The following RAB2A variants were observed in gnomAD, a reference collection of about 807,000 sequenced individuals.
RAB2A encodes ras-related protein Rab-2A.
RAB2A carries 7 observed loss-of-function variants against 32.5 expected under a neutral mutation model. The ratio of observed to expected loss-of-function variants is 0.22; its 90% CI spans 0.12 to 0.40. The LOEUF (loss-of-function observed/expected upper bound fraction) is 0.40. Ranked by LOEUF, RAB2A falls within the 10% of genes least tolerant of loss-of-function variation. The probability of loss-of-function intolerance (pLI) is 1.00; values close to 1 mark genes in which losing one functional copy is unlikely to be tolerated. For synonymous variants in RAB2A, 79 were observed against 85.2 expected (o/e 0.93, Z 0.40); for missense variants, 108 against 260.7 (o/e 0.41, Z 4.03).
At chr8:60,588,201 TAAGCCTGAG>T (rs1470416103) in intron 5 of RAB2A, among the ~76,000 whole-genome samples, 2 of 152,134 alleles carry the variant, frequency 1.3e-5, no homozygotes, top group Admixed American at 6.5e-5. Flanking sequence ...TAGGATCACT[TAAGCCTGAG>T]AGGTCAAGGC....
At chr8:60,525,468 C>A (rs950088691) in intron 1 of RAB2A, among the ~76,000 whole-genome samples, 2 of 152,064 alleles carry the variant, frequency 1.3e-5, no homozygotes, top group East Asian at 1.9e-4. Context: ...TGAAAACGAA[C>A]GAATACAGTG....
intron 6 of RAB2A, among the ~76,000 whole-genome samples, chr8:60,592,397 G>A (rs1290727649): frequency 6.6e-6 from 1 of 152,136 alleles, no homozygotes; most frequent in African/African-American, 2.4e-5. Flanking sequence ...TTGCATGGTA[G>A]GGAAATCTTT....
intron 6 of RAB2A, among the ~76,000 whole-genome samples, chr8:60,613,989 G>C (rs1429836440): frequency 6.6e-6 from 1 of 152,118 alleles, no homozygotes; most frequent in African/African-American, 2.4e-5. Context: ...TATTTAAACT[G>C]TCCAAAATAC....
chr8:60,603,081 A>G lies in RAB2A; in HGVS notation c.474+11112A>G, dbSNP rs139999092. Among the ~76,000 whole-genome samples the G allele has an allele frequency of 4.6e-4, 70 of 152,356 alleles. 1 individual carries two copies. In the East Asian group the frequency reaches 0.013, roughly 28 times the overall value. ...GTGGTGGTTGGTGTTGGGACATTTC[A>G]GAGAAGGTCATCATCCTGTTTTTTA... On this transcript the variant is annotated intron_variant, in intron 6 of 7. Transcript: ENST00000262646.
intron 1 of RAB2A, among the ~76,000 whole-genome samples, chr8:60,521,721 A>G (rs1310867018): frequency 2.6e-5 from 4 of 152,128 alleles, no homozygotes; most frequent in African/African-American, 9.7e-5. Context: ...CTTAGGTTCA[A>G]GCGATTCTCC....
rs186158413 is a variant in RAB2A at position 60,572,141 on chromosome 8, A to T, written c.186+28A>T. On this transcript the variant is annotated intron_variant, in intron 3 of 7. Transcript: ENST00000262646. ...AAGTATAGGAAAAGTGCACTGTATG[A>T]TCTCAGTAAAGTTACTTTATGAAAG... 6.5e-4 allele frequency: 979 copies of T among 1,497,162 alleles called. 1 individual carries two copies. Among genetic ancestry groups the T allele is most frequent in the Non-Finnish European group, 6.5e-4 (707 of 1,080,196 alleles). 92.7% of individuals were successfully genotyped at this position (1,497,162 alleles called of 1,614,324 possible).
intron 1 of RAB2A, among the ~76,000 whole-genome samples, chr8:60,527,147 A>G (rs1807404893): frequency 6.6e-6 from 1 of 152,044 alleles, no homozygotes; most frequent in Non-Finnish European, 1.5e-5. Flanking sequence ...CAGACCAGGA[A>G]AGAGAGAGTG....
intron 6 of RAB2A, among the ~76,000 whole-genome samples, chr8:60,608,058 G>T (rs1210897900): frequency 1.3e-5 from 2 of 151,980 alleles, no homozygotes; most frequent in Non-Finnish European, 2.9e-5. Context: ...AGGTCATCCT[G>T]GTCTTCCTAA....
At chr8:60,606,691 A>G (rs531918587) in intron 6 of RAB2A, among the ~76,000 whole-genome samples, 9 of 152,360 alleles carry the variant, frequency 5.9e-5, no homozygotes, top group African/African-American at 2.2e-4. Flanking sequence ...TGTATACACA[A>G]GTAATACTTG....
intron 6 of RAB2A, among the ~76,000 whole-genome samples, chr8:60,595,355 G>GAAGGAAAATAGAAAACA (rs1465354021): frequency 3.3e-5 from 5 of 152,148 alleles, no homozygotes; most frequent in African/African-American, 1.2e-4. Context: ...GAAGGCAGGA[G>GAAGGAAAATAGAAAACA]AAGGAAAATA....
chr8:60,567,527 A>G (rs910036714), intron 2 of RAB2A, among the ~76,000 whole-genome samples: 1 of 152,150 alleles, frequency 6.6e-6, no homozygotes, highest in African/African-American at 2.4e-5. Context: ...GCCAAGTTGC[A>G]AGATTTTTAG....
chr8:60,597,928 CT>C (rs1352647630), intron 6 of RAB2A, among the ~76,000 whole-genome samples: 4 of 102,442 alleles, frequency 3.9e-5, no homozygotes, highest in African/African-American at 3.2e-4. Context: ...AATGTGACAA[CT>C]TAGATGACTA....
intron 5 of RAB2A, among the ~76,000 whole-genome samples, chr8:60,588,382 A>G (rs1803882208): frequency 6.6e-6 from 1 of 152,250 alleles, no homozygotes; most frequent in Non-Finnish European, 1.5e-5. Context: ...AGAATTATGT[A>G]CAAATATTCA....
At chr8:60,586,481 C>G (rs1418649035) in intron 5 of RAB2A, among the ~76,000 whole-genome samples, 4 of 150,644 alleles carry the variant, frequency 2.7e-5, no homozygotes, top group African/African-American at 9.8e-5. Context: ...CAAACATTAG[C>G]AATATCAGGA....
intron 5 of RAB2A, among the ~76,000 whole-genome samples, chr8:60,585,658 C>A (rs1175385370): frequency 6.6e-6 from 1 of 152,156 alleles, no homozygotes; most frequent in Non-Finnish European, 1.5e-5. Flanking sequence ...TGAAGAGATG[C>A]TGTTTTTAGA....
chr8:60,547,601 C>T (rs1807756731), intron 1 of RAB2A, among the ~76,000 whole-genome samples: 1 of 125,690 alleles, frequency 8.0e-6, no homozygotes, highest in African/African-American at 2.8e-5. Context: ...GTAGGGGCGG[C>T]CGGGCAGAGG....
chr8:60,585,000 A>G (rs7821738), intron 5 of RAB2A, among the ~76,000 whole-genome samples, 185 bp downstream of exon 5: 24,814 of 152,134 alleles, frequency 0.16, 2,074 homozygotes, highest in Middle Eastern at 0.26. Flanking sequence ...GGAAATTATT[A>G]CTGTTATTAT....
chr8:60,591,162 G>A (rs1240982033), intron 5 of RAB2A, among the ~76,000 whole-genome samples: 2 of 151,388 alleles, frequency 1.3e-5, no homozygotes, highest in South Asian at 2.1e-4. Flanking sequence ...AATAAAACAC[G>A]CTTTAAAAGC....
chr8:60,583,943 G>T, intron 3 of RAB2A: 2 of 284,992 alleles, frequency 7.0e-6, no homozygotes, highest in South Asian at 1.1e-4. Context: ...GGTTGTCAGG[G>T]ATTGCCAAAA....
Sources: allele counts gnomAD v4.1 joint callset (sites outside exome capture counted in the v4.1 genomes callset), GRCh38; gene constraint gnomAD v4.1.1; transcripts MANE v1.5; gene names NCBI Gene and HGNC (gene_info 2026-07-23, HGNC 2026-07-21).